CACNB2: variants seen among roughly 807,000 people sequenced by gnomAD.
The protein encoded by CACNB2 is calcium voltage-gated channel auxiliary subunit beta 2.
CACNB2 carries 42 observed loss-of-function variants against 73.3 expected under a neutral mutation model. The ratio of observed to expected loss-of-function variants is 0.57; its 90% CI spans 0.45 to 0.74. The LOEUF (loss-of-function observed/expected upper bound fraction) is 0.74. CACNB2 is among the 30% of genes least tolerant of loss of function. CACNB2 has a pLI of 0.00. For synonymous variants in CACNB2, 348 were observed against 310.3 expected, an observed-to-expected ratio of 1.12 and a Z score of -1.28; for missense variants, 940 against 853.0, an observed-to-expected ratio of 1.10 and a Z score of -1.27.
intron 3 of CACNB2, among the ~76,000 whole-genome samples, chr10:18,463,486 G>A (rs373569579): frequency 2.6e-5 from 4 of 152,022 alleles, no homozygotes; most frequent in Non-Finnish European, 2.9e-5. Flanking sequence ...AGCTCACTGC[G>A]GCTTCACAGC....
At chr10:18,196,524 C>T (rs2034633331) in intron 2 of CACNB2, among the ~76,000 whole-genome samples, 1 of 151,996 alleles carries the variant, frequency 6.6e-6, no homozygotes, top group South Asian at 2.1e-4. Context: ...TGCCATGTTC[C>T]CCAGGCTAGT....
intron 12 of CACNB2, among the ~76,000 whole-genome samples, chr10:18,536,710 C>T (rs144433405): frequency 9.4e-4 from 143 of 152,280 alleles, no homozygotes; most frequent in African/African-American, 3.2e-3. Context: ...AAACGATGAT[C>T]ATAGCTTACC....
intron 2 of CACNB2, among the ~76,000 whole-genome samples, chr10:18,266,401 T>G (rs1313130377): frequency 6.6e-6 from 1 of 152,190 alleles, no homozygotes; most frequent in African/African-American, 2.4e-5. Flanking sequence ...TTAAATTTAA[T>G]TAACATGAAA....
rs563179741 is a variant in CACNB2 at position 18,261,687 on chromosome 10, A to T, written c.213+110712A>T. On this transcript the variant is annotated intron_variant, in intron 2 of 13. Coordinates refer to ENST00000324631, the MANE Select transcript of CACNB2 (RefSeq NM_201596.3). ...GAATGATGGGATGGTGGGGGGAAGA[A>T]ATACCACGGAGTTTGACAAATTATA... is the stretch of plus-strand genomic sequence containing the variant. 4.6e-5 allele frequency among the ~76,000 whole-genome samples: 7 copies of T among 152,242 alleles called. No homozygotes were observed. The South Asian group carries it at 1.2e-3, about 27-fold the overall frequency.
At chr10:18,211,404 T>C (rs1034762962) in intron 2 of CACNB2, among the ~76,000 whole-genome samples, 6 of 152,184 alleles carry the variant, frequency 3.9e-5, no homozygotes, top group Admixed American at 2.6e-4. Context: ...ATTCAACTTT[T>C]AAGATATACA....
chr10:18,182,777 G>A (rs1436162979), intron 2 of CACNB2, among the ~76,000 whole-genome samples: 4 of 149,696 alleles, frequency 2.7e-5, no homozygotes, highest in Admixed American at 1.3e-4. Context: ...AGCCAAGATC[G>A]CACCACTGTA....
At chr10:18,173,975 A>T (rs1371428756) in intron 2 of CACNB2, among the ~76,000 whole-genome samples, 2 of 152,170 alleles carry the variant, frequency 1.3e-5, no homozygotes, top group Non-Finnish European at 1.5e-5. Flanking sequence ...TTAGTACTTT[A>T]TTGGTACAAC....
intron 2 of CACNB2, among the ~76,000 whole-genome samples, chr10:18,177,587 AAAGAAG>A: frequency 6.6e-6 from 1 of 152,066 alleles, no homozygotes; most frequent in Non-Finnish European, 1.5e-5. Context: ...TCAAAAAAAA[AAAGAAG>A]AAGAAGAAGA....
intron 2 of CACNB2, among the ~76,000 whole-genome samples, chr10:18,396,326 A>C (rs2043713188): frequency 6.6e-6 from 1 of 152,226 alleles, no homozygotes; most frequent in African/African-American, 2.4e-5. Flanking sequence ...TTGCATCTAC[A>C]TTGCACCAGA....
intron 2 of CACNB2, among the ~76,000 whole-genome samples, chr10:18,180,103 A>G (rs2033798073): frequency 6.6e-6 from 1 of 152,164 alleles, no homozygotes; most frequent in Non-Finnish European, 1.5e-5. Context: ...TATGCAAGGG[A>G]GAACTCCGAG....
intron 1 of CACNB2, among the ~76,000 whole-genome samples, chr10:18,143,335 G>C (rs912409537): frequency 1.3e-5 from 2 of 152,146 alleles, no homozygotes; most frequent in Admixed American, 6.5e-5. Flanking sequence ...AGGTAATAAG[G>C]CCTAAGCGAA....
intron 2 of CACNB2, among the ~76,000 whole-genome samples, chr10:18,153,675 G>C (rs111259745): frequency 3.3e-5 from 5 of 150,322 alleles, no homozygotes; most frequent in Non-Finnish European, 7.4e-5. Context: ...TCTGCCTCCT[G>C]GGTTCAAGTG....
chr10:18,235,955 AG>A (rs369350150), intron 2 of CACNB2, among the ~76,000 whole-genome samples: 2 of 152,144 alleles, frequency 1.3e-5, no homozygotes, highest in African/African-American at 4.8e-5. Flanking sequence ...GTTGTTTAAA[AG>A]TGAGTGGCAC....
Position 18,518,891 on chromosome 10 carries a change from A to C in CACNB2, c.886-19A>C, listed in dbSNP as rs911142157. 6.2e-7 allele frequency: 1 copy of C among 1,610,550 alleles called. No homozygotes were observed. The highest frequency in any genetic ancestry group is 1.3e-5 in the African/African-American group (1 of 74,790). ...ATTTTTTTTGGTCATATCTTAATTT[A>C]TTGCTTGCTCAATTGCAGGTCACAG... is the stretch of plus-strand genomic sequence containing the variant. On this transcript the variant is annotated intron_variant, in intron 8 of 13. Transcript: ENST00000324631.
intron 3 of CACNB2, among the ~76,000 whole-genome samples, chr10:18,497,754 TA>T (rs1309580510): frequency 6.6e-6 from 1 of 152,088 alleles, no homozygotes; most frequent in Non-Finnish European, 1.5e-5. Flanking sequence ...AAGCATCAAA[TA>T]AGGAAAGAGA....
At chr10:18,241,778 A>T (rs1313116474) in intron 2 of CACNB2, among the ~76,000 whole-genome samples, 1 of 151,922 alleles carries the variant, frequency 6.6e-6, no homozygotes, top group African/African-American at 2.4e-5. Flanking sequence ...CTTTTTTTGA[A>T]CTTTTAATCT....
intron 2 of CACNB2, among the ~76,000 whole-genome samples, chr10:18,250,505 G>T (rs2037046027): frequency 6.6e-6 from 1 of 151,156 alleles, no homozygotes; most frequent in Admixed American, 6.6e-5. Context: ...GGTCAAGGAG[G>T]TCTGCCTATT....
chr10:18,290,112 CTTTT>C (rs992393946), intron 2 of CACNB2, among the ~76,000 whole-genome samples: 45 of 50,132 alleles, frequency 9.0e-4, no homozygotes, highest in African/African-American at 2.8e-3. Context: ...TTTTCTTTTT[CTTTT>C]TTTTTTTTTT....
chr10:18,485,270 T>TTATCC (rs1399235258), intron 3 of CACNB2, among the ~76,000 whole-genome samples: 1 of 152,200 alleles, frequency 6.6e-6, no homozygotes, highest in Admixed American at 6.6e-5. Flanking sequence ...GTTAGCAAGA[T>TTATCC]GATAGAGAGA....
Sources: allele counts gnomAD v4.1 joint callset (sites outside exome capture counted in the v4.1 genomes callset), GRCh38; gene constraint gnomAD v4.1.1; transcripts MANE v1.5; gene names NCBI Gene and HGNC (gene_info 2026-07-23, HGNC 2026-07-21).